Variants in CNTN5 observed in about 807,000 individuals in gnomAD.
The protein encoded by CNTN5 is contactin-5.
Under a neutral mutation model 129.1 loss-of-function variants are expected in CNTN5, and 77 were observed. The ratio of observed to expected loss-of-function variants is 0.60; its 90% confidence interval spans 0.50 to 0.72. CNTN5 has a LOEUF of 0.72. CNTN5 is among the 30% of genes least tolerant of loss of function. The pLI, the probability that CNTN5 is intolerant of heterozygous loss-of-function variation, is 0.00. For synonymous variants in CNTN5, 509 were observed against 465.6 expected (o/e 1.09, Z -1.20); for missense variants, 1,478 against 1,328.8 (o/e 1.11, Z -1.75).
chr11:99,671,736 A>G (rs1369691468), intron 3 of CNTN5, among the ~76,000 whole-genome samples: 1 of 152,198 alleles, frequency 6.6e-6, no homozygotes, highest in Non-Finnish European at 1.5e-5. Context: ...TTAATCTATT[A>G]CATTTTTTGA....
At chr11:99,419,711 G>A (rs1212975612) in intron 2 of CNTN5, among the ~76,000 whole-genome samples, 1 of 152,130 alleles carries the variant, frequency 6.6e-6, no homozygotes, top group African/African-American at 2.4e-5. Context: ...GGAGGGGTGT[G>A]GCTGGAGAAA....
intron 9 of CNTN5, among the ~76,000 whole-genome samples, chr11:100,049,542 A>G (rs2137729403): frequency 6.6e-6 from 1 of 152,290 alleles, no homozygotes; most frequent in Admixed American, 6.5e-5. Flanking sequence ...ATGTAAATTC[A>G]CAAACTAAAC....
At chr11:100,136,078 G>C (rs1946514758) in intron 13 of CNTN5, among the ~76,000 whole-genome samples, 1 of 152,020 alleles carries the variant, frequency 6.6e-6, no homozygotes, top group Non-Finnish European at 1.5e-5. Flanking sequence ...CTTAACTTTG[G>C]AATAATGTTT....
chr11:99,237,207 ATTCT>A (rs1861316244), intron 1 of CNTN5, among the ~76,000 whole-genome samples: 2 of 151,882 alleles, frequency 1.3e-5, no homozygotes, highest in African/African-American at 2.4e-5. Context: ...TCTTTTGTTC[ATTCT>A]TTGTTCTGTT....
intron 7 of CNTN5, among the ~76,000 whole-genome samples, chr11:99,922,435 T>A (rs1949962666): frequency 6.6e-6 from 1 of 152,188 alleles, no homozygotes; most frequent in Non-Finnish European, 1.5e-5. Flanking sequence ...GATCTGACAT[T>A]TATTAGCAAT....
At chr11:100,141,543 C>T (rs1946697875) in intron 13 of CNTN5, among the ~76,000 whole-genome samples, 1 of 152,118 alleles carries the variant, frequency 6.6e-6, no homozygotes, top group South Asian at 2.1e-4. Flanking sequence ...TATTTAGTCC[C>T]TAATGCATTT....
At chr11:100,200,255 T>C (rs1188912579) in intron 15 of CNTN5, among the ~76,000 whole-genome samples, 1 of 151,876 alleles carries the variant, frequency 6.6e-6, no homozygotes, top group African/African-American at 2.4e-5. Flanking sequence ...TTTTCACACA[T>C]AGCAAAATGT....
intron 6 of CNTN5, among the ~76,000 whole-genome samples, chr11:99,882,757 A>C (rs1948804115): frequency 6.6e-6 from 1 of 152,300 alleles, no homozygotes; most frequent in Middle Eastern, 3.4e-3. Context: ...CAATTCAATT[A>C]TTATTCGCTA....
chr11:99,539,221 A>T (rs923443963), intron 2 of CNTN5, among the ~76,000 whole-genome samples: 3 of 152,124 alleles, frequency 2.0e-5, no homozygotes, highest in African/African-American at 7.2e-5. Flanking sequence ...ATACAATTTT[A>T]TATTCCTAGT....
At chr11:99,756,834 T>C (rs1565495459) in intron 3 of CNTN5, among the ~76,000 whole-genome samples, 1 of 151,828 alleles carries the variant, frequency 6.6e-6, no homozygotes, top group Non-Finnish European at 1.5e-5. Context: ...ATTTAAGCCA[T>C]GTATTATATA....
At chr11:99,508,075 A>G (rs1946692139) in intron 2 of CNTN5, among the ~76,000 whole-genome samples, 1 of 152,198 alleles carries the variant, frequency 6.6e-6, no homozygotes, top group Non-Finnish European at 1.5e-5. Context: ...TCTTGTCCAA[A>G]ACATGTCTTC....
chr11:99,426,578 C>T (rs562653389), intron 2 of CNTN5, among the ~76,000 whole-genome samples: 114 of 152,210 alleles, frequency 7.5e-4, no homozygotes, highest in Non-Finnish European at 1.5e-3. Flanking sequence ...CAGAAAACTT[C>T]GTTAATCTGA....
chr11:99,530,109 A>G (rs941662068), intron 2 of CNTN5, among the ~76,000 whole-genome samples: 1 of 152,164 alleles, frequency 6.6e-6, no homozygotes, highest in Non-Finnish European at 1.5e-5. Flanking sequence ...TAACCAAGCA[A>G]GCATTCAATT....
chr11:100,087,342 T>C (rs10894421), intron 13 of CNTN5, among the ~76,000 whole-genome samples: 39,233 of 151,640 alleles, frequency 0.26, 5,331 homozygotes, highest in East Asian at 0.43. Flanking sequence ...TAAAAAATCT[T>C]CAAACATACA....
chr11:100,060,573 A>C (rs1354324163), intron 9 of CNTN5, among the ~76,000 whole-genome samples: 2 of 152,064 alleles, frequency 1.3e-5, no homozygotes, highest in South Asian at 4.1e-4. Flanking sequence ...CATTGCAATA[A>C]GCACATATAT....
In CNTN5 at chr11:100,101,258, T is replaced by G. The variant is rs74850845; in HGVS notation, c.1580+26964T>G. Among the ~76,000 whole-genome samples the G allele has an allele frequency of 7.1e-3, 1,073 of 152,188 alleles. 12 individuals carry two copies. Among genetic ancestry groups the G allele is most frequent in the African/African-American group, 0.025 (1,025 of 41,546 alleles). On this transcript the variant is annotated intron_variant, in intron 13 of 24. Coordinates refer to ENST00000524871, the MANE Select transcript of CNTN5 (RefSeq NM_014361.4). ...GAGGAGCTTTCAAAAGTAGCATTCATGCAAGTTCAGTGGAAAAGACCAGTG... is the reference window on the plus strand; with the variant it reads ...GAGGAGCTTTCAAAAGTAGCATTCAGGCAAGTTCAGTGGAAAAGACCAGTG...
intron 2 of CNTN5, among the ~76,000 whole-genome samples, chr11:99,468,788 G>T (rs770378142): frequency 2.0e-5 from 3 of 148,892 alleles, no homozygotes; most frequent in Non-Finnish European, 4.4e-5. Flanking sequence ...AGGCTGGAGT[G>T]CAATGTTGCG....
intron 1 of CNTN5, among the ~76,000 whole-genome samples, chr11:99,170,947 G>T (rs1258964344): frequency 1.3e-5 from 2 of 152,128 alleles, no homozygotes; most frequent in Non-Finnish European, 2.9e-5. Context: ...TAAATGGAAA[G>T]AATATGCTAA....
At chr11:99,960,756 G>C (rs1565724555) in intron 8 of CNTN5, among the ~76,000 whole-genome samples, 1 of 152,146 alleles carries the variant, frequency 6.6e-6, no homozygotes, top group Non-Finnish European at 1.5e-5. Context: ...CATTGGTGTG[G>C]TTAAGAAATC....
Sources: allele counts gnomAD v4.1 joint callset (sites outside exome capture counted in the v4.1 genomes callset), GRCh38; gene constraint gnomAD v4.1.1; transcripts MANE v1.5; gene names NCBI Gene and HGNC (gene_info 2026-07-23, HGNC 2026-07-21).